The following VWDE variants were observed in gnomAD, a reference collection of about 807,000 sequenced individuals.
VWDE encodes von Willebrand factor D and EGF domain-containing protein.
Under a neutral mutation model 178.4 loss-of-function variants are expected in VWDE, and 207 were observed. The observed-to-expected ratio is 1.16, with a 90% CI of 1.04 to 1.30. The LOEUF (loss-of-function observed/expected upper bound fraction) is 1.30. VWDE is among the 50% of genes most tolerant of loss of function. VWDE has a pLI of 0.00. For synonymous variants in VWDE, 738 were observed against 651.4 expected, an observed-to-expected ratio of 1.13 and a Z score of -2.02; for missense variants, 2,287 against 1,901.3, an observed-to-expected ratio of 1.20 and a Z score of -3.77.
At chr7:12,347,232 G>C (rs567774831) in intron 19 of VWDE, among the ~76,000 whole-genome samples, 9 of 152,278 alleles carry the variant, frequency 5.9e-5, no homozygotes, top group African/African-American at 1.9e-4. Flanking sequence ...ATTGTTTTAA[G>C]TGAACCTTCT....
At chr7:12,344,527 C>A in intron 19 of VWDE, 58 bp from the exon 20 acceptor site, 1 of 1,348,500 alleles carries the variant, frequency 7.4e-7, no homozygotes, top group South Asian at 1.4e-5. Context: ...ACATATTGCT[C>A]AGAGACTTAG....
chr7:12,354,826 TAA>T (rs1485813090), intron 18 of VWDE, among the ~76,000 whole-genome samples: 2 of 152,242 alleles, frequency 1.3e-5, no homozygotes, highest in African/African-American at 4.8e-5. Flanking sequence ...CAGTAATTTT[TAA>T]AAGTTATTTA....
At chr7:12,338,622 C>T (rs539244765) in intron 24 of VWDE, among the ~76,000 whole-genome samples, 1 of 152,156 alleles carries the variant, frequency 6.6e-6, no homozygotes, top group Non-Finnish European at 1.5e-5. Context: ...GCCATGTCTA[C>T]CCATAGTCTC....
intron 17 of VWDE, 129 bp from the exon 18 acceptor site, chr7:12,356,459 T>TAC (rs34642611): frequency 2.9e-5 from 18 of 631,392 alleles, no homozygotes; most frequent in Non-Finnish European, 4.6e-5. Flanking sequence ...TTGATATATA[T>TAC]ACACACACAC....
At chr7:12,392,159 T>C (rs556393021) in intron 2 of VWDE, among the ~76,000 whole-genome samples, 1 of 152,340 alleles carries the variant, frequency 6.6e-6, no homozygotes, top group South Asian at 2.1e-4. Flanking sequence ...ATGTGACTCA[T>C]GCTTAGTGTC....
intron 19 of VWDE, 51 bp downstream of exon 19, chr7:12,351,522 C>G (rs932918876): frequency 1.3e-6 from 2 of 1,488,944 alleles, no homozygotes; most frequent in African/African-American, 1.4e-5. Flanking sequence ...TTCTAGAAAA[C>G]AAGTAAGAGG....
chr7:12,367,492 G>T lies in VWDE; in HGVS notation c.2763C>A (p.Asp921Glu), dbSNP rs1296956512. 2 of 1,489,124 alleles carry T rather than the reference G, an allele frequency of 1.3e-6. No homozygotes were observed. The allele number at this position is 1,489,124 out of a possible 1,614,324, so 92.2% of individuals were successfully genotyped here. The change falls in exon 13 of 29, where the codon GAC (aspartate) becomes GAA (glutamate). Residue 921 changes from aspartate (D) to glutamate (E), a missense_variant and splice_region_variant. By Grantham distance (45) the Asp-to-Glu change is conservative (BLOSUM62 2). Coordinates refer to ENST00000275358, the MANE Select transcript of VWDE (RefSeq NM_001135924.3). ...FSSYDCSDSY[D>E]KAPEITELGN... is the part of the protein sequence containing the mutation. The stretch of plus-strand genomic sequence containing the variant: ...CAAGCTCTGTAATTTCAGGAGCTTT[G>T]TCTTTGGAAAAAAAATATAACAAAT...
rs377386471 is a variant in VWDE at position 12,336,409 on chromosome 7, T to G, written c.4559-173A>C. Among the ~76,000 whole-genome samples, 326 of 152,358 alleles carry G rather than the reference T, an allele frequency of 2.1e-3. No homozygotes were observed. The highest frequency in any genetic ancestry group is 7.5e-3 in the African/African-American group (310 of 41,588). ...ATTTTTGAATGTCACTACATATTCT[T>G]GGAAAATGTGACCTTAACAGTTGCA... On this transcript the variant is annotated intron_variant, in intron 26 of 28. Transcript: ENST00000275358.
chr7:12,344,503 C>A (rs536789782), intron 19 of VWDE, 34 bp from the exon 20 acceptor site: 3 of 1,495,192 alleles, frequency 2.0e-6, no homozygotes, highest in Admixed American at 4.1e-5. Flanking sequence ...AGGTTGATTG[C>A]TAAAACAGAA....
chr7:12,394,982 C>A (rs1339191219), intron 1 of VWDE, among the ~76,000 whole-genome samples: 2 of 152,038 alleles, frequency 1.3e-5, no homozygotes, highest in Non-Finnish European at 2.9e-5. Flanking sequence ...AAAAATAAGT[C>A]ATTATAATTA....
intron 28 of VWDE, 120 bp from the exon 29 acceptor site, chr7:12,331,317 G>A: frequency 2.7e-6 from 2 of 739,988 alleles, no homozygotes; most frequent in Admixed American, 3.0e-5. Context: ...GGTTCTGTTT[G>A]CCACTAGACT....
rs956819543 is a variant in VWDE, at chr7:12,379,473, G to A, written c.879+4C>T. 12 of 1,544,146 alleles carry A rather than the reference G, an allele frequency of 7.8e-6. No individual in the cohort carries two copies. Among genetic ancestry groups the A allele is most frequent in the East Asian group, 4.9e-5 (2 of 40,776 alleles). ...CTTTCTGATGCATCCCCACTGCTGC[G>A]TACCTTAAAGCCTGCAAAAAATTCT... is the stretch of plus-strand genomic sequence containing the variant. On this transcript the variant is annotated splice_donor_region_variant and intron_variant, in intron 6 of 28. Coordinates refer to ENST00000275358, the MANE Select transcript of VWDE (RefSeq NM_001135924.3).
At position 12,370,135 on chromosome 7, in the gene VWDE, T is replaced by C; in HGVS notation, c.2171A>G (p.Gln724Arg). The change falls in exon 12 of 29, where the codon CAA becomes CGA. Residue 724 changes from glutamine to arginine, a missense_variant. Physicochemically the swap from Gln to Arg is conservative, Grantham distance 43 (BLOSUM62 1). Transcript: ENST00000275358. ...HPGNEKEDSLQYLANKKYTQG... is the reference protein window; with the variant it reads ...HPGNEKEDSLRYLANKKYTQG... ...TGTATATTTCTTATTGGCCAAATAT[T>C]GTAGTGAATCTTCTTTCTCATTTCC... 4 of 1,551,576 alleles carry C rather than the reference T, an allele frequency of 2.6e-6. No individual in the cohort carries two copies. The highest frequency in any genetic ancestry group is 3.5e-6 in the Non-Finnish European group (4 of 1,146,900).
chr7:12,396,823 T>C (rs1205170929), intron 1 of VWDE, among the ~76,000 whole-genome samples: 4 of 151,300 alleles, frequency 2.6e-5, no homozygotes, highest in Non-Finnish European at 5.9e-5. Flanking sequence ...TAATCCCAAC[T>C]ACTCGGGAGG....
At chr7:12,354,102 T>A (rs1782092007) in intron 18 of VWDE, 1 of 174,428 alleles carries the variant, frequency 5.7e-6, no homozygotes, top group African/African-American at 2.4e-5. Flanking sequence ...TTTTGTGATT[T>A]CTATCAAAAG....
intron 4 of VWDE, among the ~76,000 whole-genome samples, chr7:12,381,818 A>G (rs1245099587): frequency 6.6e-6 from 1 of 151,920 alleles, no homozygotes; most frequent in Non-Finnish European, 1.5e-5. Flanking sequence ...TAAAACAGGG[A>G]AAAGCTATCT....
At position 12,379,378 on chromosome 7, in the gene VWDE, G is replaced by T. The variant is rs1363284541; in HGVS notation, c.879+99C>A. On this transcript the variant is annotated intron_variant, in intron 6 of 28. Transcript: ENST00000275358. ...TCATGGGTCTCAACATTCCGATTCA[G>T]TCTGTGATGAGGTACAGAAACCAGC... 5 of 742,076 alleles carry T rather than the reference G, an allele frequency of 6.7e-6. No homozygotes were observed. In the Admixed American group the frequency reaches 1.7e-4, roughly 25 times the overall value. The allele number at this position is 742,076 out of a possible 1,614,324, so 46.0% of individuals were successfully genotyped here. A position where few individuals can be genotyped will look rare whatever the true frequency, so the allele number is the denominator to read the frequency against.
Position 12,398,194 on chromosome 7 carries a change from G to C in VWDE, c.59-4416C>G, listed in dbSNP as rs75634363. On this transcript the variant is annotated intron_variant, in intron 1 of 28. Coordinates refer to ENST00000275358, the MANE Select transcript of VWDE (RefSeq NM_001135924.3). The stretch of plus-strand genomic sequence containing the variant: ...CAACAGTAGATTGGATAAAGAAAAT[G>C]TAGTATACCTGAAACTGGTCCAATT... Among the ~76,000 whole-genome samples the C allele has an allele frequency of 8.5e-3, 1,301 of 152,230 alleles. 21 individuals are homozygous for C. Among genetic ancestry groups the C allele is most frequent in the African/African-American group, 0.03 (1,258 of 41,538 alleles).
intron 2 of VWDE, 92 bp downstream of exon 2, chr7:12,393,502 G>C: frequency 2.7e-6 from 3 of 1,092,374 alleles, no homozygotes; most frequent in Non-Finnish European, 3.8e-6. Context: ...CAACATTTTA[G>C]CATGAGAAAT....
Sources: gnomAD v4.1 joint callset for allele counts (sites outside exome capture counted in the v4.1 genomes callset) on GRCh38, gnomAD v4.1.1 for gene constraint, MANE v1.5 for transcripts, NCBI Gene and HGNC (gene_info 2026-07-23, HGNC 2026-07-21) for gene names.